Variants in ATE1 observed in about 807,000 individuals in gnomAD.
ATE1 encodes the protein arginyl-tRNA--protein transferase 1.
A neutral mutation model predicts 70.5 loss-of-function variants in ATE1; 36 were observed. The observed-to-expected ratio is 0.51, with a 90% CI of 0.39 to 0.67. The LOEUF (loss-of-function observed/expected upper bound fraction) is 0.67, where lower values mean the gene tolerates loss of function less well. Ranked by LOEUF, ATE1 falls within the 30% of genes least tolerant of loss-of-function variation. The probability of loss-of-function intolerance (pLI) is 0.00; values close to 1 mark genes in which losing one functional copy is unlikely to be tolerated. For missense variants in ATE1, 593 were observed against 629.5 expected, an observed-to-expected ratio of 0.94 and a Z score of 0.62; for synonymous variants, 232 against 219.3, an observed-to-expected ratio of 1.06 and a Z score of -0.51.
At chr10:121,851,979 C>T (rs1949072213) in intron 8 of ATE1, among the ~76,000 whole-genome samples, 1 of 152,242 alleles carries the variant, frequency 6.6e-6, no homozygotes, top group African/African-American at 2.4e-5. Flanking sequence ...AGCCAAACTG[C>T]TCCCAAAATG....
intron 10 of ATE1, among the ~76,000 whole-genome samples, chr10:121,794,633 AGGAG>A (rs1946584045): frequency 7.2e-6 from 1 of 138,326 alleles, no homozygotes; most frequent in Non-Finnish European, 1.6e-5. Context: ...AAAAAAAAAA[AGGAG>A]AAGAGAATAC....
At chr10:121,839,419 A>C (rs1948548101) in intron 9 of ATE1, among the ~76,000 whole-genome samples, 1 of 152,238 alleles carries the variant, frequency 6.6e-6, no homozygotes, top group Admixed American at 6.5e-5. Context: ...CACATTGTGA[A>C]GTGATAATAC....
chr10:121,773,156 T>C (rs1326869487), intron 11 of ATE1, among the ~76,000 whole-genome samples: 1 of 152,228 alleles, frequency 6.6e-6, no homozygotes, highest in Non-Finnish European at 1.5e-5. Flanking sequence ...CATTTACTTA[T>C]AATGGAATCC....
intron 10 of ATE1, among the ~76,000 whole-genome samples, chr10:121,806,880 A>T (rs1338215098): frequency 6.6e-6 from 1 of 152,192 alleles, no homozygotes; most frequent in Non-Finnish European, 1.5e-5. Context: ...TGACATTTTT[A>T]AAATTTAGGA....
In ATE1 at chr10:121,911,255, A is replaced by G. The variant is rs186960180; in HGVS notation, c.338-104T>C. On this transcript the variant is annotated intron_variant, in intron 4 of 11. Transcript: ENST00000224652. ...TATTATCCATTGTGGCAGAATTACT[A>G]TCTGTCCACCAAATCCATTCTCATC... is the stretch of plus-strand genomic sequence containing the variant. 508 of 1,380,310 alleles carry G rather than the reference A, an allele frequency of 3.7e-4. 5 individuals carry two copies. In the East Asian group the frequency reaches 0.011, roughly 31 times the overall value. The allele number at this position is 1,380,310 out of a possible 1,614,324, so 85.5% of individuals were successfully genotyped here. A position where few individuals can be genotyped will look rare whatever the true frequency, so the allele number is the denominator to read the frequency against.
intron 8 of ATE1, among the ~76,000 whole-genome samples, chr10:121,859,586 C>T (rs1949395587): frequency 6.6e-6 from 1 of 152,134 alleles, no homozygotes; most frequent in African/African-American, 2.4e-5. Flanking sequence ...TATGATGGTT[C>T]AGGCCATATT....
intron 10 of ATE1, among the ~76,000 whole-genome samples, chr10:121,811,281 G>A (rs1325241938): frequency 6.6e-6 from 1 of 152,064 alleles, no homozygotes; most frequent in Non-Finnish European, 1.5e-5. Flanking sequence ...AACAGGGAGA[G>A]AGAGGGGGAG....
intron 11 of ATE1, among the ~76,000 whole-genome samples, chr10:121,771,454 C>T (rs1427999744): frequency 6.6e-6 from 1 of 152,124 alleles, no homozygotes; most frequent in African/African-American, 2.4e-5. Flanking sequence ...CTAATATGAA[C>T]ATAGGGAGTA....
chr10:121,905,175 T>C (rs1487929914), intron 5 of ATE1, among the ~76,000 whole-genome samples: 1 of 152,200 alleles, frequency 6.6e-6, no homozygotes, highest in Non-Finnish European at 1.5e-5. Context: ...ATAGAGTTCC[T>C]GTGAGGATTA....
Position 121,902,403 on chromosome 10 carries a change from T to G in ATE1, c.801A>C (p.Ser267=). 6.2e-7 allele frequency: 1 copy of G among 1,613,866 alleles called. No individual in the cohort carries two copies. The highest frequency in any genetic ancestry group is 8.5e-7 in the Non-Finnish European group (1 of 1,179,784). The change falls in exon 6 of 12, where the codon TCA becomes TCC. Residue 267 remains serine (S), a synonymous_variant. Transcript: ENST00000224652. The part of the protein sequence containing the change: ...LIFESLPENA[S]HKLEVRVVRS... ...TCCTCCAAAGTACCTCTAACTTGTG[T>G]GATGCATTCTCTGGTAAAGACTCAA...
chr10:121,858,637 A>T (rs899009477), intron 8 of ATE1, among the ~76,000 whole-genome samples: 1 of 145,902 alleles, frequency 6.9e-6, no homozygotes, highest in African/African-American at 2.5e-5. Flanking sequence ...ATATATATAT[A>T]ATATATATAT....
In ATE1 at chr10:121,918,667, T is replaced by C. The variant is rs530091762; in HGVS notation, c.233+3682A>G. ...TTCTGCCTTAGAAGATACCTTCTCTTTATAACCACGAAAACTGAAAGAGGA... is the reference window on the plus strand; with the variant it reads ...TTCTGCCTTAGAAGATACCTTCTCTCTATAACCACGAAAACTGAAAGAGGA... On this transcript the variant is annotated intron_variant, in intron 3 of 11. Coordinates refer to ENST00000224652, the MANE Select transcript of ATE1 (RefSeq NM_001001976.3). Among the ~76,000 whole-genome samples, 4 of 152,260 alleles carry C rather than the reference T, an allele frequency of 2.6e-5. No individual in the cohort carries two copies. The East Asian group carries it at 7.7e-4, about 29-fold the overall frequency.
intron 10 of ATE1, among the ~76,000 whole-genome samples, chr10:121,826,606 CAAT>C (rs892259295): frequency 3.9e-5 from 6 of 152,088 alleles, no homozygotes; most frequent in African/African-American, 9.7e-5. Flanking sequence ...CACCTAGCAA[CAAT>C]AATTTTTTTC....
intron 10 of ATE1, among the ~76,000 whole-genome samples, chr10:121,792,540 G>C (rs188412892): frequency 6.6e-6 from 1 of 152,186 alleles, no homozygotes; most frequent in East Asian, 1.9e-4. Context: ...GGCAGCTCCA[G>C]GTGGTCTACA....
intron 10 of ATE1, among the ~76,000 whole-genome samples, chr10:121,834,074 C>G (rs746886595): frequency 1.3e-5 from 2 of 152,218 alleles, no homozygotes; most frequent in African/African-American, 2.4e-5. Context: ...GGCAGTGCTA[C>G]ACTAGCTGTT....
intron 8 of ATE1, among the ~76,000 whole-genome samples, chr10:121,863,085 C>T (rs1221452969): frequency 2.0e-5 from 3 of 152,058 alleles, no homozygotes; most frequent in Non-Finnish European, 4.4e-5. Context: ...GTCCTGAAGT[C>T]CCCAACTACT....
At chr10:121,881,752 A>G (rs1950232500) in intron 7 of ATE1, among the ~76,000 whole-genome samples, 1 of 151,590 alleles carries the variant, frequency 6.6e-6, no homozygotes, top group African/African-American at 2.4e-5. Flanking sequence ...ATGTGGTATA[A>G]TAGATGAATC....
At chr10:121,890,533 T>C (rs1339895064) in intron 7 of ATE1, among the ~76,000 whole-genome samples, 2 of 152,194 alleles carry the variant, frequency 1.3e-5, no homozygotes, top group African/African-American at 4.8e-5. Flanking sequence ...TCAATTTTCC[T>C]TTATGTCTGA....
intron 8 of ATE1, chr10:121,846,699 CCTAAATAAATAA>C (rs1948836184): frequency 8.6e-6 from 1 of 116,348 alleles, no homozygotes; most frequent in Admixed American, 9.9e-5. Flanking sequence ...GACTAGCCTG[CCTAAATAAATAA>C]ATAAATAAAT....
Sources: gnomAD v4.1 joint callset for allele counts (sites outside exome capture counted in the v4.1 genomes callset) on GRCh38, gnomAD v4.1.1 for gene constraint, MANE v1.5 for transcripts, NCBI Gene and HGNC (gene_info 2026-07-23, HGNC 2026-07-21) for gene names.